The following FAR2 variants were observed in gnomAD, a reference collection of about 807,000 sequenced individuals.
FAR2 encodes the protein fatty acyl-CoA reductase 2.
FAR2 carries 19 observed loss-of-function variants against 56.0 expected under a neutral mutation model. That is an observed-to-expected ratio of 0.34 (90% CI 0.24 to 0.50). The LOEUF is 0.50. Ranked by LOEUF, FAR2 falls within the 20% of genes least tolerant of loss-of-function variation. The pLI is 0.98. For synonymous variants in FAR2, 219 were observed against 218.8 expected, an observed-to-expected ratio of 1.00 and a Z score of -0.01; for missense variants, 508 against 642.2, an observed-to-expected ratio of 0.79 and a Z score of 2.26.
At chr12:29,296,300 A>G (rs1189271528) in intron 3 of FAR2, among the ~76,000 whole-genome samples, 2 of 152,246 alleles carry the variant, frequency 1.3e-5, no homozygotes, top group African/African-American at 4.8e-5. Flanking sequence ...TATTCCTACC[A>G]CTGACGTTAC....
At chr12:29,250,425 A>C (rs1348025010) in intron 1 of FAR2, among the ~76,000 whole-genome samples, 1 of 152,214 alleles carries the variant, frequency 6.6e-6, no homozygotes, top group African/African-American at 2.4e-5. Flanking sequence ...TTAGAGATTC[A>C]AGATTCAGAT....
intron 1 of FAR2, among the ~76,000 whole-genome samples, chr12:29,245,132 C>T (rs1591885992): frequency 6.6e-6 from 1 of 152,124 alleles, no homozygotes; most frequent in African/African-American, 2.4e-5. Context: ...AGGCATGCGC[C>T]ACCAGTCCCA....
chr12:29,243,712 T>C (rs540074853), intron 1 of FAR2, among the ~76,000 whole-genome samples: 46 of 152,278 alleles, frequency 3.0e-4, no homozygotes, highest in African/African-American at 1.1e-3. Flanking sequence ...CTGAATTCCT[T>C]AGGAAAGTCT....
intron 1 of FAR2, among the ~76,000 whole-genome samples, chr12:29,225,563 G>A (rs1001716270): frequency 2.6e-5 from 4 of 152,110 alleles, no homozygotes; most frequent in Non-Finnish European, 5.9e-5. Flanking sequence ...ATTGGATGAA[G>A]GTGCTCTGGA....
chr12:29,311,864 T>G lies in FAR2; in HGVS notation c.888-19T>G. ...TTTCTATTTTGTTGTACTTATCTAA[T>G]TTTTATTTCATTTTCCAGACCTAAG... On this transcript the variant is annotated intron_variant, in intron 7 of 11. Coordinates refer to ENST00000536681, the MANE Select transcript of FAR2 (RefSeq NM_001271783.2). 3 of 1,557,474 alleles carry G rather than the reference T, an allele frequency of 1.9e-6. No homozygotes were observed. Among genetic ancestry groups the G allele is most frequent in the Non-Finnish European group, 2.6e-6 (3 of 1,137,068 alleles).
At chr12:29,308,689 G>C (rs533912658) in intron 5 of FAR2, among the ~76,000 whole-genome samples, 1 of 137,386 alleles carries the variant, frequency 7.3e-6, no homozygotes, top group African/African-American at 3.0e-5. Context: ...CAGACACACA[G>C]ACACACACAC....
At chr12:29,284,124 G>A (rs1948831699) in intron 2 of FAR2, among the ~76,000 whole-genome samples, 1 of 152,176 alleles carries the variant, frequency 6.6e-6, no homozygotes, top group Non-Finnish European at 1.5e-5. Context: ...TGAAAGGACA[G>A]TATCTATACC....
intron 1 of FAR2, among the ~76,000 whole-genome samples, chr12:29,161,239 AC>A (rs1949779336): frequency 6.6e-6 from 1 of 152,160 alleles, no homozygotes; most frequent in Non-Finnish European, 1.5e-5. Flanking sequence ...AAGCAGAAAA[AC>A]ATTTATCAGC....
At chr12:29,170,255 G>C (rs538926545) in intron 1 of FAR2, among the ~76,000 whole-genome samples, 2 of 152,188 alleles carry the variant, frequency 1.3e-5, no homozygotes, top group Non-Finnish European at 2.9e-5. Context: ...AATCGCCTGG[G>C]AGGAAACATC....
intron 1 of FAR2, among the ~76,000 whole-genome samples, chr12:29,204,995 C>T (rs1290109041): frequency 1.3e-5 from 2 of 152,202 alleles, no homozygotes; most frequent in Admixed American, 1.3e-4. Context: ...CCATATCAAG[C>T]TCTATACCTG....
rs528564455 is a variant in FAR2 at position 29,230,154 on chromosome 12, C to T, written c.-38-40258C>T. ...AAACAGATGACAGATAAACTATAAACAGATGACTAGAAACAGATGACGTAA... is the reference window on the plus strand; with the variant it reads ...AAACAGATGACAGATAAACTATAAATAGATGACTAGAAACAGATGACGTAA... On this transcript the variant is annotated intron_variant, in intron 1 of 11. Transcript: ENST00000536681. Among the ~76,000 whole-genome samples, 4 of 152,210 alleles carry T rather than the reference C, an allele frequency of 2.6e-5. No individual in the cohort carries two copies. The East Asian group carries it at 7.7e-4, about 29-fold the overall frequency.
chr12:29,285,387 C>G (rs774457185), intron 2 of FAR2, among the ~76,000 whole-genome samples: 1 of 152,156 alleles, frequency 6.6e-6, no homozygotes, highest in Non-Finnish European at 1.5e-5. Context: ...TACTGTTTTA[C>G]GCCCCGCCCC....
At chr12:29,333,085 T>C (rs1031176083) in intron 11 of FAR2, 2 of 353,516 alleles carry the variant, frequency 5.7e-6, no homozygotes, top group Non-Finnish European at 1.1e-5. Context: ...GCAGGAGACC[T>C]GATTATGCTA....
intron 1 of FAR2, among the ~76,000 whole-genome samples, chr12:29,258,045 C>T (rs375388951): frequency 7.2e-4 from 109 of 152,174 alleles, no homozygotes; most frequent in African/African-American, 2.5e-3. Flanking sequence ...ATCTTTTCCA[C>T]CGATAAAAAT....
intron 1 of FAR2, among the ~76,000 whole-genome samples, chr12:29,156,134 G>C (rs968667314): frequency 3.9e-5 from 6 of 152,012 alleles, no homozygotes; most frequent in African/African-American, 1.2e-4. Flanking sequence ...TGGTCAAAGG[G>C]TTCAAATTTT....
At chr12:29,150,799 C>T (rs758487525) in intron 1 of FAR2, among the ~76,000 whole-genome samples, 1 of 152,108 alleles carries the variant, frequency 6.6e-6, no homozygotes, top group Admixed American at 6.5e-5. Flanking sequence ...TGCTTCTGCC[C>T]CTGCTGTATT....
chr12:29,327,196 G>A (rs1348318884), intron 10 of FAR2, among the ~76,000 whole-genome samples: 2 of 152,056 alleles, frequency 1.3e-5, no homozygotes, highest in Admixed American at 6.5e-5. Context: ...CAACTTACAA[G>A]GGATATGAAG....
At chr12:29,318,452 AGAAG>A (rs1949493165) in intron 9 of FAR2, among the ~76,000 whole-genome samples, 1 of 152,252 alleles carries the variant, frequency 6.6e-6, no homozygotes, top group Admixed American at 6.5e-5. Context: ...AGAGAAACAC[AGAAG>A]GAAGAGACAC....
intron 1 of FAR2, among the ~76,000 whole-genome samples, chr12:29,170,883 A>T (rs536880209): frequency 6.6e-6 from 1 of 152,288 alleles, no homozygotes; most frequent in South Asian, 2.1e-4. Flanking sequence ...ACAGTGTAAG[A>T]CTGCCACCTC....
Sources: gnomAD v4.1 joint callset for allele counts (sites outside exome capture counted in the v4.1 genomes callset) on GRCh38, gnomAD v4.1.1 for gene constraint, MANE v1.5 for transcripts, NCBI Gene and HGNC (gene_info 2026-07-23, HGNC 2026-07-21) for gene names.